Variants in LOXHD1 observed in about 807,000 individuals in gnomAD.
The protein encoded by LOXHD1 is lipoxygenase homology domain-containing protein 1.
In LOXHD1, 205 loss-of-function variants were observed where a neutral mutation model predicts 248.2. The ratio of observed to expected loss-of-function variants is 0.83; its 90% CI spans 0.74 to 0.93. The LOEUF (loss-of-function observed/expected upper bound fraction) is 0.93. Among genes scored for constraint, LOXHD1 ranks in the 40% least tolerant of loss-of-function variants. The probability of loss-of-function intolerance (pLI) is 0.00; values close to 1 mark genes in which losing one functional copy is unlikely to be tolerated. For synonymous variants in LOXHD1, 1,113 were observed against 1,162.8 expected, an observed-to-expected ratio of 0.96 and a Z score of 0.87; for missense variants, 2,930 against 2,971.6, an observed-to-expected ratio of 0.99 and a Z score of 0.33.
chr18:46,606,008 C>T (rs1290574488), intron 6 of LOXHD1, among the ~76,000 whole-genome samples: 1 of 151,944 alleles, frequency 6.6e-6, no homozygotes, highest in Non-Finnish European at 1.5e-5. Context: ...GTGGGACCCA[C>T]CAAAAGAACT....
intron 4 of LOXHD1, among the ~76,000 whole-genome samples, chr18:46,638,004 T>C (rs2038913955): frequency 6.6e-6 from 1 of 152,156 alleles, no homozygotes; most frequent in Admixed American, 6.6e-5. Context: ...GGGAGCACAG[T>C]ACAAATGTCC....
At chr18:46,567,559 G>C (rs2037668318) in intron 16 of LOXHD1, among the ~76,000 whole-genome samples, 1 of 152,208 alleles carries the variant, frequency 6.6e-6, no homozygotes, top group South Asian at 2.1e-4. Flanking sequence ...TTGGCTGAAA[G>C]GGTAAAGACA....
intron 16 of LOXHD1, among the ~76,000 whole-genome samples, chr18:46,567,490 C>T (rs1482785278): frequency 6.6e-6 from 1 of 152,204 alleles, no homozygotes; most frequent in African/African-American, 2.4e-5. Flanking sequence ...TGTCAAGGGA[C>T]AGGGAAGAGT....
At position 46,593,633 on chromosome 18, in the gene LOXHD1, CTTG is replaced by C. The variant is rs770173140; in HGVS notation, c.1395_1397del (p.Asn465del). On this transcript the variant is annotated inframe_deletion, in exon 10 of 41. Transcript: ENST00000642948. Reference sequence around the variant, plus strand: ...TCTCGATTATGCCGGGTTTGAACCACTTGTTGTTGGGATTCAGGAGAATCTCAT... The same window carrying C: ...TCTCGATTATGCCGGGTTTGAACCACTTGTTGGGATTCAGGAGAATCTCAT... 3.9e-6 allele frequency: 6 copies of C among 1,552,344 alleles called. No individual in the cohort carries two copies. Among genetic ancestry groups the C allele is most frequent in the Non-Finnish European group, 5.2e-6 (6 of 1,147,122 alleles).
At chr18:46,610,232 GA>G (rs2038484876) in intron 6 of LOXHD1, among the ~76,000 whole-genome samples, 1 of 152,124 alleles carries the variant, frequency 6.6e-6, no homozygotes, top group Non-Finnish European at 1.5e-5. Flanking sequence ...AAAAAAGGAT[GA>G]GTTCATGTCT....
intron 4 of LOXHD1, among the ~76,000 whole-genome samples, chr18:46,632,559 A>G (rs953841501): frequency 5.9e-5 from 9 of 152,142 alleles, no homozygotes; most frequent in Admixed American, 2.0e-4. Flanking sequence ...TGAGTTACCA[A>G]GAGGGTGAGC....
At chr18:46,568,894 C>T (rs957705851) in intron 16 of LOXHD1, among the ~76,000 whole-genome samples, 1 of 152,112 alleles carries the variant, frequency 6.6e-6, no homozygotes, top group African/African-American at 2.4e-5. Context: ...GTGCTTAGAC[C>T]ACTTGCAGCA....
At position 46,522,115 on chromosome 18, in the gene LOXHD1, T is replaced by A. The variant is rs1266483489; in HGVS notation, c.5071A>T (p.Ile1691Phe). Reference sequence around the variant, plus strand: ...GAAGCCAGCACCTCTATTTTCTTGATGATGCCCACATCCAAGCCTGCGACG... The same window carrying A: ...GAAGCCAGCACCTCTATTTTCTTGAAGATGCCCACATCCAAGCCTGCGACG... The part of the protein sequence containing the change: ...FYVAGLDVGI[I>F]KKIELGHDGA... The change falls in exon 32 of 41, where the codon ATC becomes TTC. Residue 1691 changes from isoleucine to phenylalanine, a missense_variant. Transcript: ENST00000642948. 1.3e-6 allele frequency: 2 copies of A among 1,550,002 alleles called. No homozygotes were observed. Among genetic ancestry groups the A allele is most frequent in the Non-Finnish European group, 1.7e-6 (2 of 1,146,190 alleles).
Position 46,547,039 on chromosome 18 carries a change from G to T in LOXHD1, c.3370C>A (p.Arg1124Ser). 1 of 1,551,744 alleles carries T rather than the reference G, an allele frequency of 6.4e-7. No homozygotes were observed. The highest frequency in any genetic ancestry group is 8.7e-7 in the Non-Finnish European group (1 of 1,147,002). ...NEITYYFPCQRWLAVEEDDGQ... is the reference protein window; with the variant it reads ...NEITYYFPCQSWLAVEEDDGQ... ...TCATCTTCCTCCACTGCCAGCCAAC[G>T]TTGGCATGGAAAGTAGTACCTGTGG... Residue 1124 changes from arginine (R) to serine (S), a missense_variant, in exon 22 of 41, where the codon CGT (arginine) becomes AGT (serine). Coordinates refer to ENST00000642948, the MANE Select transcript of LOXHD1 (RefSeq NM_001384474.1).
Position 46,591,976 on chromosome 18 carries a change from C to T in LOXHD1, c.1611G>A (p.Arg537=), listed in dbSNP as rs779095696. Residue 537 remains arginine (R), a synonymous_variant, in exon 12 of 41, where the codon AGG becomes AGA. Transcript: ENST00000642948. ...DANEDDNEIV[R]EMTAEGPTVR... ...CTGTTGGGCCTTCTGCAGTCATTTC[C>T]CTCACTATCTCATTGTCATCCTCAT... is the stretch of plus-strand genomic sequence containing the variant. 6.4e-7 allele frequency: 1 copy of T among 1,551,996 alleles called. No individual in the cohort carries two copies. Among genetic ancestry groups the T allele is most frequent in the South Asian group, 1.2e-5 (1 of 84,060 alleles).
intron 14 of LOXHD1, 79 bp from the exon 15 acceptor site, chr18:46,572,241 C>T (rs2037766618): frequency 8.1e-7 from 1 of 1,241,610 alleles, no homozygotes; most frequent in Non-Finnish European, 1.2e-6. Flanking sequence ...CATGCAGAGT[C>T]ACTATGGAGG....
chr18:46,616,137 A>C (rs1278346008), intron 5 of LOXHD1, among the ~76,000 whole-genome samples: 1 of 152,136 alleles, frequency 6.6e-6, no homozygotes, highest in African/African-American at 2.4e-5. Flanking sequence ...CCATCTTTTA[A>C]ATGCTGACTC....
At chr18:46,517,376 A>G (rs2035310534) in intron 34 of LOXHD1, among the ~76,000 whole-genome samples, 1 of 152,172 alleles carries the variant, frequency 6.6e-6, no homozygotes, top group South Asian at 2.1e-4. Flanking sequence ...CTTAACGGCC[A>G]TGGGACTTTG....
At chr18:46,579,599 G>A (rs375952880) in intron 13 of LOXHD1, 31 bp downstream of exon 13, 130 of 1,551,450 alleles carry the variant, frequency 8.4e-5, no homozygotes, top group Non-Finnish European at 1.0e-4. Context: ...TGGGAGGAAG[G>A]GGATGAGTGG....
intron 35 of LOXHD1, among the ~76,000 whole-genome samples, chr18:46,509,291 G>C (rs953674964): frequency 6.6e-6 from 1 of 152,090 alleles, no homozygotes; most frequent in Non-Finnish European, 1.5e-5. Context: ...GCCTAACTCC[G>C]TGATCACAGA....
intron 27 of LOXHD1, chr18:46,533,800 C>A: frequency 4.1e-6 from 1 of 245,618 alleles, no homozygotes; most frequent in Non-Finnish European, 8.3e-6. Context: ...GTGGCGTGCG[C>A]CTGTAGTCCT....
intron 4 of LOXHD1, among the ~76,000 whole-genome samples, chr18:46,623,009 T>A (rs1047589456): frequency 3.3e-5 from 5 of 152,188 alleles, no homozygotes; most frequent in African/African-American, 7.2e-5. Context: ...CGATGGATTG[T>A]GGAAATCGTC....
chr18:46,560,806 C>A (rs1255169531), intron 18 of LOXHD1, among the ~76,000 whole-genome samples: 1 of 152,110 alleles, frequency 6.6e-6, no homozygotes, highest in African/African-American at 2.4e-5. Flanking sequence ...TGGTCTCCCT[C>A]TTCTCTCTTA....
Position 46,520,121 on chromosome 18 carries a change from G to T in LOXHD1, c.5271+976C>A, listed in dbSNP as rs538065231. 2.0e-3 allele frequency among the ~76,000 whole-genome samples: 300 copies of T among 152,258 alleles called. 3 individuals carry two copies. The highest frequency in any genetic ancestry group is 6.7e-3 in the African/African-American group (277 of 41,556). Reference sequence around the variant, plus strand: ...GTCTGGCCACAGATGGAGATGTCTGGGGGGTAGGGGAAGGATGTGCGCTAT... The same window carrying T: ...GTCTGGCCACAGATGGAGATGTCTGTGGGGTAGGGGAAGGATGTGCGCTAT... On this transcript the variant is annotated intron_variant, in intron 33 of 40. Coordinates refer to ENST00000642948, the MANE Select transcript of LOXHD1 (RefSeq NM_001384474.1).
Sources: gnomAD v4.1 joint callset for allele counts (sites outside exome capture counted in the v4.1 genomes callset) on GRCh38, gnomAD v4.1.1 for gene constraint, MANE v1.5 for transcripts, NCBI Gene and HGNC (gene_info 2026-07-23, HGNC 2026-07-21) for gene names.